RREB1: variants seen among roughly 807,000 people sequenced by gnomAD.
The protein encoded by RREB1 is ras-responsive element-binding protein 1.
A neutral mutation model predicts 117.8 loss-of-function variants in RREB1; 27 were observed. The ratio of observed to expected loss-of-function variants is 0.23; its 90% CI spans 0.17 to 0.32. The LOEUF (loss-of-function observed/expected upper bound fraction) is 0.32, where lower values mean the gene tolerates loss of function less well. RREB1 is among the 10% of genes least tolerant of loss of function. The pLI, the probability that RREB1 is intolerant of heterozygous loss-of-function variation, is 1.00. For synonymous variants in RREB1, 1,298 were observed against 1,026.7 expected, an observed-to-expected ratio of 1.26 and a Z score of -5.05; for missense variants, 2,577 against 2,378.2, an observed-to-expected ratio of 1.08 and a Z score of -1.74.
intron 4 of RREB1, among the ~76,000 whole-genome samples, chr6:7,182,616 T>A (rs1366865018): frequency 6.6e-6 from 1 of 152,140 alleles, no homozygotes; most frequent in African/African-American, 2.4e-5. Context: ...TTGAGAAGGG[T>A]TAATGCTGTT....
In RREB1 at chr6:7,116,199, G is replaced by A. The variant is rs546740333; in HGVS notation, c.-285+8139G>A. Among the ~76,000 whole-genome samples, 72 of 152,252 alleles carry A rather than the reference G, an allele frequency of 4.7e-4. No homozygotes were observed. The South Asian group carries it at 8.7e-3, about 18-fold the overall frequency. On this transcript the variant is annotated intron_variant, in intron 1 of 12. Transcript: ENST00000379938. Reference sequence around the variant, plus strand: ...CTTAACTTGGCATACAAGGAACTTCGTCTGCTTCCAAGCTGAATTTCTAGT... The same window carrying A: ...CTTAACTTGGCATACAAGGAACTTCATCTGCTTCCAAGCTGAATTTCTAGT...
chr6:7,181,774 C>T, intron 3 of RREB1, 96 bp from the exon 4 acceptor site: 2 of 855,862 alleles, frequency 2.3e-6, no homozygotes, highest in Admixed American at 4.0e-5. Context: ...ATGTTTTTGA[C>T]CTGAATTACA....
At chr6:7,117,609 A>T (rs1286828924) in intron 1 of RREB1, among the ~76,000 whole-genome samples, 1 of 151,782 alleles carries the variant, frequency 6.6e-6, no homozygotes, top group Non-Finnish European at 1.5e-5. Flanking sequence ...GGGTTTCACC[A>T]TGTTGGCCAG....
At position 7,231,501 on chromosome 6, in the gene RREB1, C is replaced by A. The variant is rs755748462; in HGVS notation, c.3402C>A (p.Ser1134Arg). ...CTAGTGAGCCTCCCGCTCCAGCCAG[C>A]AGCCCAGAGGCTGCCTCTCCCACCG... The part of the protein sequence containing the change: ...KESSEPPAPA[S>R]SPEAASPTEQ... Residue 1134 changes from serine to arginine, a missense_variant, in exon 10 of 13, where the codon AGC (serine) becomes AGA (arginine). By Grantham distance (110) the Ser-to-Arg change is moderately radical. Transcript: ENST00000379938. 1.2e-6 allele frequency: 2 copies of A among 1,610,708 alleles called. No individual in the cohort carries two copies. The highest frequency in any genetic ancestry group is 1.7e-6 in the Non-Finnish European group (2 of 1,178,580).
intron 1 of RREB1, among the ~76,000 whole-genome samples, chr6:7,153,607 G>A (rs756640139): frequency 1.3e-5 from 2 of 152,200 alleles, no homozygotes; most frequent in Non-Finnish European, 2.9e-5. Context: ...ATCTGTTTTG[G>A]TGAATAGAAG....
chr6:7,229,338 A>G lies in RREB1; in HGVS notation c.1239A>G (p.Ser413=), dbSNP rs1191783425. The change falls in exon 10 of 13, where the codon TCA becomes TCG. Residue 413 remains serine, a synonymous_variant. Transcript: ENST00000379938. This position sits in a 1 kb window ranked among gnomAD's most constrained non-coding sequence, Gnocchi z 4.5. The part of the protein sequence containing the change: ...DPGCTNLLSL[S]PFEAASLGGS... Reference sequence around the variant, plus strand: ...GCTGCACCAACCTGCTGAGCCTGTCACCTTTCGAAGCTGCTTCCCTAGGCG... The same window carrying G: ...GCTGCACCAACCTGCTGAGCCTGTCGCCTTTCGAAGCTGCTTCCCTAGGCG... 1 of 1,614,006 alleles carries G rather than the reference A, an allele frequency of 6.2e-7. No individual in the cohort carries two copies. Among genetic ancestry groups the G allele is most frequent in the Non-Finnish European group, 8.5e-7 (1 of 1,180,028 alleles).
chr6:7,117,780 G>C (rs180694969), intron 1 of RREB1, among the ~76,000 whole-genome samples: 2 of 152,014 alleles, frequency 1.3e-5, no homozygotes, highest in Admixed American at 1.3e-4. Context: ...TGTTGCTCAT[G>C]CTGGTCTCAA....
intron 1 of RREB1, among the ~76,000 whole-genome samples, chr6:7,145,713 T>A (rs1335298251): frequency 6.6e-6 from 1 of 151,514 alleles, no homozygotes; most frequent in East Asian, 1.9e-4. Context: ...AGGTTGGTAG[T>A]TTCCAGTGAA....
At chr6:7,205,250 G>A (rs1766210681) in intron 6 of RREB1, among the ~76,000 whole-genome samples, 1 of 152,204 alleles carries the variant, frequency 6.6e-6, no homozygotes, top group Non-Finnish European at 1.5e-5. Context: ...CCTGGGATGG[G>A]ACTCGGGGGT....
intron 1 of RREB1, among the ~76,000 whole-genome samples, chr6:7,135,756 C>A (rs938619024): frequency 2.6e-5 from 4 of 152,160 alleles, no homozygotes; most frequent in Non-Finnish European, 4.4e-5. Flanking sequence ...TTAACATGAT[C>A]TTTATTTCAA....
chr6:7,114,476 G>GA (rs920167145), intron 1 of RREB1, among the ~76,000 whole-genome samples: 4 of 151,864 alleles, frequency 2.6e-5, no homozygotes, highest in African/African-American at 9.7e-5. Flanking sequence ...GGTGGGGGGG[G>GA]GGGCGGCAGC....
chr6:7,153,226 G>A (rs1483621119), intron 1 of RREB1, among the ~76,000 whole-genome samples: 1 of 148,558 alleles, frequency 6.7e-6, no homozygotes, highest in African/African-American at 2.5e-5. Context: ...TCCTAGATTA[G>A]TAGAACTATT....
chr6:7,156,262 T>C (rs1763357251), intron 1 of RREB1, among the ~76,000 whole-genome samples: 1 of 152,232 alleles, frequency 6.6e-6, no homozygotes, highest in African/African-American at 2.4e-5. Flanking sequence ...TTTCCCTTCA[T>C]CACTTTAAAT....
intron 10 of RREB1, among the ~76,000 whole-genome samples, chr6:7,239,237 G>A (rs1195475938): frequency 6.6e-6 from 1 of 152,206 alleles, no homozygotes; most frequent in East Asian, 1.9e-4. Flanking sequence ...AAAGTACTGG[G>A]CCCCAGCTCT....
At chr6:7,217,267 A>G (rs902663245) in intron 8 of RREB1, 5 of 152,256 alleles carry the variant, frequency 3.3e-5, no homozygotes, top group African/African-American at 1.2e-4. Flanking sequence ...CAGAACAGGA[A>G]AAATGAAGCA....
At chr6:7,195,313 G>A (rs1765613489) in intron 6 of RREB1, among the ~76,000 whole-genome samples, 1 of 152,070 alleles carries the variant, frequency 6.6e-6, no homozygotes, top group African/African-American at 2.4e-5. Context: ...TCACATAAAA[G>A]TCATTACCAT....
Position 7,250,585 on chromosome 6 carries a change from T to C in RREB1, c.*1617T>C, listed in dbSNP as rs2113218303. 1 of 152,058 alleles carries C rather than the reference T, an allele frequency of 6.6e-6. No individual in the cohort carries two copies. The highest frequency in any genetic ancestry group is 2.4e-5 in the African/African-American group (1 of 41,516). 9.4% of individuals were successfully genotyped at this position (152,058 alleles called of 1,614,324 possible). A position where few individuals can be genotyped will look rare whatever the true frequency, so the allele number is the denominator to read the frequency against. On this transcript the variant is annotated 3_prime_UTR_variant, in exon 13 of 13. Transcript: ENST00000379938. ...GGACCCCTGTGCTTGCTGCAGTGTA[T>C]GGAGCCTCTTGCCTTCCCCTGGGGA...
intron 1 of RREB1, among the ~76,000 whole-genome samples, chr6:7,108,310 G>C (rs1295919520): frequency 8.9e-5 from 10 of 112,954 alleles, no homozygotes; most frequent in African/African-American, 1.4e-4. Context: ...GCTGCGCGCC[G>C]GGCCATTCCT....
intron 6 of RREB1, among the ~76,000 whole-genome samples, chr6:7,209,497 C>T (rs755451721): frequency 9.2e-5 from 14 of 151,762 alleles, no homozygotes; most frequent in Non-Finnish European, 1.5e-4. Context: ...TTCCCATTAA[C>T]TTTCACAAGG....
Sources: allele counts gnomAD v4.1 joint callset (sites outside exome capture counted in the v4.1 genomes callset), GRCh38; gene constraint gnomAD v4.1.1; non-coding constraint Gnocchi (gnomAD v3.1); transcripts MANE v1.5; gene names NCBI Gene and HGNC (gene_info 2026-07-23, HGNC 2026-07-21).